COL16A1: variants seen among roughly 807,000 people sequenced by gnomAD.
COL16A1 encodes the protein collagen type XVI alpha 1 chain.
COL16A1 carries 189 observed loss-of-function variants against 266.3 expected under a neutral mutation model. That is an observed-to-expected ratio of 0.71 (90% CI 0.63 to 0.80). The LOEUF (loss-of-function observed/expected upper bound fraction) is 0.80, where lower values mean the gene tolerates loss of function less well. COL16A1 is among the 30% of genes least tolerant of loss of function. The pLI is 0.00. For missense variants in COL16A1, 1,928 were observed against 2,122.4 expected (o/e 0.91, Z 1.80); for synonymous variants, 740 against 782.3 (o/e 0.95, Z 0.90).
Position 31,656,888 on chromosome 1 carries a change from T to A in COL16A1, c.4056+145A>T. 1 of 1,013,194 alleles carries A rather than the reference T, an allele frequency of 9.9e-7. No individual in the cohort carries two copies. Among genetic ancestry groups the A allele is most frequent in the South Asian group, 1.6e-5 (1 of 62,542 alleles). 62.8% of individuals were successfully genotyped at this position (1,013,194 alleles called of 1,614,324 possible). A position where few individuals can be genotyped will look rare whatever the true frequency, so the allele number is the denominator to read the frequency against. On this transcript the variant is annotated intron_variant, in intron 65 of 70. Coordinates refer to ENST00000373672, the MANE Select transcript of COL16A1 (RefSeq NM_001856.4). This position sits in a 1 kb window ranked among gnomAD's most constrained non-coding sequence, Gnocchi z 4.2. Reference sequence around the variant, plus strand: ...TCCTTGGCCTCAAGTCTCTAATTCCTCTCCCCAGGACAACAGGGTTAACAA... The same window carrying A: ...TCCTTGGCCTCAAGTCTCTAATTCCACTCCCCAGGACAACAGGGTTAACAA...
At chr1:31,700,137 G>A in intron 2 of COL16A1, 22 bp from the exon 3 acceptor site, 1 of 1,613,156 alleles carries the variant, frequency 6.2e-7, no homozygotes. Flanking sequence ...GGGGCAGGGG[G>A]GCATTAGGTG....
chr1:31,654,112 C>A (rs1160390853), intron 68 of COL16A1, 69 bp from the exon 69 acceptor site: 7 of 1,550,306 alleles, frequency 4.5e-6, no homozygotes, highest in Non-Finnish European at 5.2e-6. Flanking sequence ...ACTGCAGATG[C>A]TGCATATAGG....
chr1:31,689,922 C>T (rs1044058942), intron 22 of COL16A1, 71 bp from the exon 23 acceptor site: 12 of 1,335,546 alleles, frequency 9.0e-6, no homozygotes, highest in Non-Finnish European at 8.6e-6. Flanking sequence ...GGGCCTCTTG[C>T]GCAGACCAGC....
At chr1:31,695,338 G>C (rs1447295086) in intron 10 of COL16A1, 117 bp from the exon 11 acceptor site, 15 of 983,248 alleles carry the variant, frequency 1.5e-5, no homozygotes, top group Non-Finnish European at 2.4e-5. Context: ...AATCTGAGGG[G>C]AGCCTGAAGA....
intron 62 of COL16A1, 26 bp downstream of exon 62, chr1:31,660,559 A>G (rs1477889926): frequency 6.2e-7 from 1 of 1,613,498 alleles, no homozygotes; most frequent in South Asian, 1.1e-5. Flanking sequence ...TCTTATGGAG[A>G]CAGAGACAAA....
chr1:31,686,361 G>A, intron 26 of COL16A1, 82 bp from the exon 27 acceptor site: 1 of 1,581,698 alleles, frequency 6.3e-7, no homozygotes, highest in Non-Finnish European at 8.7e-7. Context: ...AACTGTAAAA[G>A]CAACCCCTTC....
rs556719139 is a variant in COL16A1 at position 31,674,407 on chromosome 1, C to T, written c.2859+600G>A. ...AGATGGGCTATGTGACTCTTGATTC[C>T]AATAGGAACTTCTGCTCAGTTTGGG... On this transcript the variant is annotated intron_variant, in intron 44 of 70. Coordinates refer to ENST00000373672, the MANE Select transcript of COL16A1 (RefSeq NM_001856.4). Among the ~76,000 whole-genome samples, 6 of 152,336 alleles carry T rather than the reference C, an allele frequency of 3.9e-5. No individual in the cohort carries two copies. In the South Asian group the frequency reaches 8.3e-4, roughly 21 times the overall value.
In COL16A1 at chr1:31,668,304, C is replaced by T; in HGVS notation, c.3250-86G>A. The T allele has an allele frequency of 2.1e-6, 3 of 1,428,436 alleles. No homozygotes were observed. Among genetic ancestry groups the T allele is most frequent in the Non-Finnish European group, 2.9e-6 (3 of 1,018,512 alleles). 88.5% of individuals were successfully genotyped at this position (1,428,436 alleles called of 1,614,324 possible). ...GTAAGAGGATGGCCAAAGCTAAAAC[C>T]TCTGGGGCTGCCATCTAGCAGGTGC... is the stretch of plus-strand genomic sequence containing the variant. On this transcript the variant is annotated intron_variant, in intron 50 of 70. Transcript: ENST00000373672. This position sits in a 1 kb window ranked among gnomAD's most constrained non-coding sequence, Gnocchi z 5.8.
chr1:31,680,967 G>C (rs950214657), intron 38 of COL16A1, 36 bp from the exon 39 acceptor site: 7 of 1,613,954 alleles, frequency 4.3e-6, no homozygotes, highest in East Asian at 2.2e-5. Flanking sequence ...GAGCAGATAG[G>C]GGTGCCGAGG....
At chr1:31,681,555 A>G (rs1476226135) in intron 37 of COL16A1, among the ~76,000 whole-genome samples, 1 of 152,276 alleles carries the variant, frequency 6.6e-6, no homozygotes, top group Admixed American at 6.5e-5. Context: ...GACTTTGAGA[A>G]GCTGTCACTT....
At chr1:31,690,320 G>A (rs1644202128) in intron 22 of COL16A1, 47 bp downstream of exon 22, 2 of 1,611,724 alleles carry the variant, frequency 1.2e-6, no homozygotes, top group African/African-American at 2.7e-5. Flanking sequence ...GTGCAGAAAG[G>A]GGGTCCCGTT....
Position 31,668,242 on chromosome 1 carries a change from G to A in COL16A1, c.3250-24C>T. 6.2e-7 allele frequency: 1 copy of A among 1,612,598 alleles called. No homozygotes were observed. On this transcript the variant is annotated intron_variant, in intron 50 of 70. Transcript: ENST00000373672. This position sits in a 1 kb window ranked among gnomAD's most constrained non-coding sequence, Gnocchi z 5.8. ...CCCTGCAAAGAAAGGCAGACATGATGGATAGCCCCCCAACATTTCTGTTCT... is the reference window on the plus strand; with the variant it reads ...CCCTGCAAAGAAAGGCAGACATGATAGATAGCCCCCCAACATTTCTGTTCT...
chr1:31,703,679 G>A (rs1222126393), intron 1 of COL16A1, among the ~76,000 whole-genome samples, 158 bp downstream of exon 1: 1 of 152,228 alleles, frequency 6.6e-6, no homozygotes, highest in African/African-American at 2.4e-5. Flanking sequence ...TGGGCGCAGG[G>A]AGTCAGAACC....
At position 31,652,556 on chromosome 1, in the gene COL16A1, C is replaced by A. The variant is rs368642761; in HGVS notation, c.*95G>T. 2,022 of 1,079,248 alleles carry A rather than the reference C, an allele frequency of 1.9e-3. 12 individuals carry two copies. The highest frequency in any genetic ancestry group is 0.017 in the African/African-American group (1,041 of 62,836). The allele number at this position is 1,079,248 out of a possible 1,614,324, so 66.9% of individuals were successfully genotyped here. A position where few individuals can be genotyped will look rare whatever the true frequency, so the allele number is the denominator to read the frequency against. On this transcript the variant is annotated 3_prime_UTR_variant, in exon 71 of 71. Transcript: ENST00000373672. The surrounding 1 kb of genome is among the most constrained non-coding windows in gnomAD (Gnocchi z 4.8). ...TAACAGCAATTAAAAACAACAACAA[C>A]AACAAAAAAAACATTCACAACCTGT...
Position 31,695,240 on chromosome 1 carries a change from C to G in COL16A1, c.946-19G>C. The G allele has an allele frequency of 6.2e-7, 1 of 1,613,678 alleles. No homozygotes were observed. Among genetic ancestry groups the G allele is most frequent in the Non-Finnish European group, 8.5e-7 (1 of 1,179,904 alleles). The stretch of plus-strand genomic sequence containing the variant: ...GCGGACACTGAAAGGGAAGAGCAGG[C>G]GAAGAGGTCAATTCTGAGCCCCTGG... On this transcript the variant is annotated intron_variant, in intron 10 of 70. Coordinates refer to ENST00000373672, the MANE Select transcript of COL16A1 (RefSeq NM_001856.4).
chr1:31,694,650 C>T (rs1321580958), intron 11 of COL16A1, among the ~76,000 whole-genome samples: 1 of 152,228 alleles, frequency 6.6e-6, no homozygotes, highest in African/African-American at 2.4e-5. Flanking sequence ...AAAATGGTGA[C>T]TCATGCTGCC....
intron 8 of COL16A1, 71 bp from the exon 9 acceptor site, chr1:31,696,212 C>A (rs1482136869): frequency 7.1e-7 from 1 of 1,411,600 alleles, no homozygotes; most frequent in Non-Finnish European, 1.0e-6. Flanking sequence ...AAAGGGGCAC[C>A]CAGGCAGGGG....
intron 17 of COL16A1, 85 bp downstream of exon 17, chr1:31,691,920 G>A: frequency 1.3e-6 from 2 of 1,596,018 alleles, no homozygotes; most frequent in Non-Finnish European, 1.7e-6. Flanking sequence ...AGCAAGGGGA[G>A]GGGGCTGGAT....
chr1:31,692,005 G>T lies in COL16A1; in HGVS notation c.1257C>A (p.Asp419Glu). 1 of 1,613,820 alleles carries T rather than the reference G, an allele frequency of 6.2e-7. No homozygotes were observed. ...IKGVPGKPGRDGRPGEICVIG... is the reference protein window; with the variant it reads ...IKGVPGKPGREGRPGEICVIG... ...GTGGGGAAGGGTCCCAGGCACCTAC[G>T]TCCCGGCCTGGCTTTCCCGGCACGC... The change falls in exon 17 of 71, where the codon GAC becomes GAA. Residue 419 changes from aspartate to glutamate, a missense_variant and splice_region_variant. Physicochemically the swap from Asp to Glu is conservative, Grantham distance 45. Coordinates refer to ENST00000373672, the MANE Select transcript of COL16A1 (RefSeq NM_001856.4).
Sources: gnomAD v4.1 joint callset for allele counts (sites outside exome capture counted in the v4.1 genomes callset) on GRCh38, gnomAD v4.1.1 for gene constraint, Gnocchi (gnomAD v3.1) non-coding constraint, MANE v1.5 for transcripts, NCBI Gene and HGNC (gene_info 2026-07-23, HGNC 2026-07-21) for gene names.